OR2V1: variants seen among roughly 807,000 people sequenced by gnomAD.
The protein encoded by OR2V1 is olfactory receptor family 2 subfamily V member 1.
In OR2V1, 18 loss-of-function variants were observed where a neutral mutation model predicts 15.0. That is an observed-to-expected ratio of 1.20 (90% CI 0.83 to 1.78). The LOEUF is 1.78. OR2V1 is among the 40% of genes most tolerant of loss of function. OR2V1 has a pLI of 0.00. For missense variants in OR2V1, 359 were observed against 392.9 expected (o/e 0.91, Z 0.73); for synonymous variants, 144 against 146.1 (o/e 0.99, Z 0.10).
chr5:181,124,991 A>G lies in OR2V1; in HGVS notation c.314T>C (p.Phe105Ser). 6.2e-7 allele frequency: 1 copy of G among 1,614,168 alleles called. No homozygotes were observed. Among genetic ancestry groups the G allele is most frequent in the Non-Finnish European group, 8.5e-7 (1 of 1,180,044 alleles). ...CCCCTCAGATCCCACAAGAGAGACA[A>G]AAAAGCCAATTTGTATGCCACAGCC... ...FVGCGIQIGF[F>S]VSLVGSEGLL... The change falls in exon 4 of 4, where the codon TTT becomes TCT. Residue 105 changes from phenylalanine (F) to serine (S), a missense_variant. Transcript: ENST00000641551.
At chr5:181,129,760 C>G (rs1183361204) in intron 2 of OR2V1, among the ~76,000 whole-genome samples, 185 bp from the exon 3 acceptor site, 1 of 152,228 alleles carries the variant, frequency 6.6e-6, no homozygotes, top group Non-Finnish European at 1.5e-5. Flanking sequence ...TTCTCCCCGG[C>G]ACGGGAGGAC....
At position 181,124,061 on chromosome 5, in the gene OR2V1, G is replaced by C; in HGVS notation, c.*296C>G. 3.2e-6 allele frequency: 1 copy of C among 310,144 alleles called. No homozygotes were observed. Among genetic ancestry groups the C allele is most frequent in the Non-Finnish European group, 5.8e-6 (1 of 171,642 alleles). 19.2% of individuals were successfully genotyped at this position (310,144 alleles called of 1,614,324 possible). A position where few individuals can be genotyped will look rare whatever the true frequency, so the allele number is the denominator to read the frequency against. On this transcript the variant is annotated 3_prime_UTR_variant, in exon 4 of 4. Coordinates refer to ENST00000641551, the MANE Select transcript of OR2V1 (RefSeq NM_001258283.2). ...AAAAAATAGAGTAAATTTAGTCCAA[G>C]GATGTCATAAACAATCAACAATGAC...
intron 3 of OR2V1, among the ~76,000 whole-genome samples, chr5:181,127,584 G>C (rs1292008128): frequency 6.6e-6 from 1 of 152,040 alleles, no homozygotes; most frequent in African/African-American, 2.4e-5. Flanking sequence ...AACTGGGATG[G>C]GCCTGCCCAG....
At chr5:181,128,835 T>C (rs962353901) in intron 3 of OR2V1, among the ~76,000 whole-genome samples, 11 of 152,180 alleles carry the variant, frequency 7.2e-5, no homozygotes, top group African/African-American at 2.4e-4. Flanking sequence ...CTAGAACCCG[T>C]GTTCCCCGGT....
intron 3 of OR2V1, among the ~76,000 whole-genome samples, chr5:181,125,984 T>C (rs111720406): frequency 5.3e-4 from 81 of 152,288 alleles, no homozygotes; most frequent in African/African-American, 1.9e-3. Flanking sequence ...AAACTCCATT[T>C]CAATTAAAAA....
intron 3 of OR2V1, among the ~76,000 whole-genome samples, chr5:181,128,234 A>T (rs147757218): frequency 2.6e-5 from 4 of 152,036 alleles, no homozygotes; most frequent in South Asian, 4.1e-4. Context: ...CCCAAACATC[A>T]GAAACCCCTG....
Position 181,125,262 on chromosome 5 carries a change from G to A in OR2V1, c.43C>T (p.Leu15Phe). ...TGGCTGTGGGAAAAGATGCCCAAGA[G>A]GAAGAAGCCATCTGTGTAGGACTGG... Reference protein sequence around the residue: ...VNQSYTDGFFLLGIFSHSQTD... With the variant: ...VNQSYTDGFFFLGIFSHSQTD... Residue 15 changes from leucine (L) to phenylalanine (F), a missense_variant, in exon 4 of 4, where the codon CTC becomes TTC. Leu to Phe is a conservative substitution (Grantham distance 22). Transcript: ENST00000641551. 1 of 1,613,826 alleles carries A rather than the reference G, an allele frequency of 6.2e-7. No homozygotes were observed. Among genetic ancestry groups the A allele is most frequent in the Non-Finnish European group, 8.5e-7 (1 of 1,180,040 alleles).
In OR2V1 at chr5:181,123,738, A is replaced by C. The variant is rs1762831652; in HGVS notation, c.*619T>G. ...CCCACGAGGATAACTACTAAACTGCAGGGATTTATTTTTATTACTTAAAGG... is the reference window on the plus strand; with the variant it reads ...CCCACGAGGATAACTACTAAACTGCCGGGATTTATTTTTATTACTTAAAGG... On this transcript the variant is annotated 3_prime_UTR_variant, in exon 4 of 4. Transcript: ENST00000641551. The C allele has an allele frequency of 6.6e-6, 1 of 152,226 alleles. No individual in the cohort carries two copies. The highest frequency in any genetic ancestry group is 1.5e-5 in the Non-Finnish European group (1 of 68,050). 9.4% of individuals were successfully genotyped at this position (152,226 alleles called of 1,614,324 possible).
rs141508488 is a variant in OR2V1, at chr5:181,124,660, G to T, written c.645C>A (p.Ile215=). 7,649 of 1,613,672 alleles carry T rather than the reference G, an allele frequency of 4.7e-3. 32 individuals are homozygous for T. Among genetic ancestry groups the T allele is most frequent in the South Asian group, 0.012 (1,071 of 91,066 alleles). Residue 215 remains isoleucine (I), a synonymous_variant, in exon 4 of 4, where the codon ATC becomes ATA. Coordinates refer to ENST00000641551, the MANE Select transcript of OR2V1 (RefSeq NM_001258283.2). ...CTAGGATGCAAGCATAGGAGGCCAT[G>T]ATGATGGAGAAGGGAAGGAGAAGCA... ...VFMLLLPFSI[I]MASYACILGA... is the part of the protein sequence containing the mutation.
At chr5:181,127,680 G>C (rs996860357) in intron 3 of OR2V1, among the ~76,000 whole-genome samples, 6 of 152,046 alleles carry the variant, frequency 3.9e-5, no homozygotes, top group Non-Finnish European at 7.4e-5. Context: ...GAGTTCCCGG[G>C]GTCCTTGCCA....
Position 181,125,292 on chromosome 5 carries a change from C to T in OR2V1, c.13G>A (p.Val5Met), listed in dbSNP as rs1762859743. The T allele has an allele frequency of 1.2e-6, 2 of 1,612,052 alleles. No individual in the cohort carries two copies. Among genetic ancestry groups the T allele is most frequent in the South Asian group, 1.1e-5 (1 of 91,058 alleles). Residue 5 changes from valine to methionine, a missense_variant, in exon 4 of 4, where the codon GTG (valine) becomes ATG (methionine). Transcript: ENST00000641551. MGRW[V>M]NQSYTDGFFL... ...AAGCCATCTGTGTAGGACTGGTTCA[C>T]CCATCTTCCCATGGCTTAGTTGTTC...
intron 1 of OR2V1, 51 bp downstream of exon 1, chr5:181,130,999 G>A (rs1183561858): frequency 6.6e-6 from 1 of 152,336 alleles, no homozygotes; most frequent in Non-Finnish European, 1.5e-5. Flanking sequence ...TCTGGACACA[G>A]TCCTTGCTCA....
chr5:181,126,723 A>AACACAGAGACATACACACACAC (rs1251292283), intron 3 of OR2V1, among the ~76,000 whole-genome samples: 2 of 150,412 alleles, frequency 1.3e-5, no homozygotes, highest in African/African-American at 4.9e-5. Context: ...CATATACAGA[A>AACACAGAGACATACACACACAC]ACACAGAGAC....
chr5:181,130,781 G>T (rs754501800), intron 1 of OR2V1, among the ~76,000 whole-genome samples: 2 of 152,150 alleles, frequency 1.3e-5, no homozygotes, highest in Non-Finnish European at 2.9e-5. Context: ...CAGGGCAGAG[G>T]AATACAGGAA....
At chr5:181,125,740 C>T (rs192672817) in intron 3 of OR2V1, among the ~76,000 whole-genome samples, 1 of 152,354 alleles carries the variant, frequency 6.6e-6, no homozygotes, top group African/African-American at 2.4e-5. Flanking sequence ...AATCCCAGCA[C>T]TCTGGGATGC....
In OR2V1 at chr5:181,129,911, G is replaced by A. The variant is rs145853242; in HGVS notation, c.-78+262C>T. On this transcript the variant is annotated intron_variant, in intron 2 of 3. Transcript: ENST00000641551. ...CCAACCCAGACAGAGGGAGGGGGACGGGAAAAGGGGAGTAGGACACCAAGG... is the reference window on the plus strand; with the variant it reads ...CCAACCCAGACAGAGGGAGGGGGACAGGAAAAGGGGAGTAGGACACCAAGG... Among the ~76,000 whole-genome samples, 56 of 152,310 alleles carry A rather than the reference G, an allele frequency of 3.7e-4. No individual in the cohort carries two copies. The East Asian group carries it at 9.1e-3, about 25-fold the overall frequency.
chr5:181,127,391 A>C (rs1048126561), intron 3 of OR2V1, among the ~76,000 whole-genome samples: 1 of 152,204 alleles, frequency 6.6e-6, no homozygotes, highest in African/African-American at 2.4e-5. Flanking sequence ...AGTGAGTGAA[A>C]ATGGAAGAAA....
intron 3 of OR2V1, among the ~76,000 whole-genome samples, chr5:181,129,064 T>C (rs1049134286): frequency 6.6e-6 from 1 of 152,096 alleles, no homozygotes; most frequent in Non-Finnish European, 1.5e-5. Context: ...CTCATCTCTA[T>C]TCAAAAAACA....
Position 181,125,369 on chromosome 5 carries a change from A to G in OR2V1, c.-21-44T>C, listed in dbSNP as rs913483070. 8.4e-6 allele frequency: 12 copies of G among 1,431,698 alleles called. No homozygotes were observed. The African/African-American group carries it at 1.1e-4, about 13-fold the overall frequency. 88.7% of individuals were successfully genotyped at this position (1,431,698 alleles called of 1,614,324 possible). ...TTATAAGATTGAGTGACATGTCTCTATTGTGCTCCAAATTCTTCAGTTCAA... is the reference window on the plus strand; with the variant it reads ...TTATAAGATTGAGTGACATGTCTCTGTTGTGCTCCAAATTCTTCAGTTCAA... On this transcript the variant is annotated intron_variant, in intron 3 of 3. Transcript: ENST00000641551.
Sources: allele counts gnomAD v4.1 joint callset (sites outside exome capture counted in the v4.1 genomes callset), GRCh38; gene constraint gnomAD v4.1.1; transcripts MANE v1.5; gene names NCBI Gene and HGNC (gene_info 2026-07-23, HGNC 2026-07-21).